Variants in CNKSR2 observed in about 807,000 individuals in gnomAD.
CNKSR2 encodes the protein connector enhancer of kinase suppressor of Ras 2, also known as CNK homolog protein 2.
In CNKSR2, 14 loss-of-function variants were observed where a neutral mutation model predicts 84.4. The ratio of observed to expected loss-of-function variants is 0.17; its 90% CI spans 0.11 to 0.26. The LOEUF (loss-of-function observed/expected upper bound fraction) is 0.26, where lower values mean the gene tolerates loss of function less well. Ranked by LOEUF, CNKSR2 falls within the 10% of genes least tolerant of loss-of-function variation. The pLI is 1.00. For synonymous variants in CNKSR2, 275 were observed against 277.9 expected, an observed-to-expected ratio of 0.99 and a Z score of 0.10; for missense variants, 485 against 771.2, an observed-to-expected ratio of 0.63 and a Z score of 4.40.
chrX:21,506,423 A>G (rs966218283), intron 8 of CNKSR2: 8 of 111,338 alleles, frequency 7.2e-5, no homozygotes, highest in African/African-American at 2.3e-4. Context: ...AGCTTCATAG[A>G]TTGTTTTTCT....
intron 20 of CNKSR2, among the ~76,000 whole-genome samples, chrX:21,630,114 C>T (rs2092641160): frequency 9.0e-6 from 1 of 111,626 alleles, no homozygotes; most frequent in Non-Finnish European, 1.9e-5. Flanking sequence ...TAGATGATAC[C>T]TCTCTGTTAA....
chrX:21,471,954 T>A (rs888223082), intron 5 of CNKSR2, among the ~76,000 whole-genome samples: 9 of 112,162 alleles, frequency 8.0e-5, no homozygotes, highest in Non-Finnish European at 1.7e-4. Context: ...AAGCATATTC[T>A]CTCATTTAAT....
chrX:21,538,056 G>C (rs960269183), intron 11 of CNKSR2: 1 of 111,382 alleles, frequency 9.0e-6, no homozygotes, highest in African/African-American at 3.3e-5. Flanking sequence ...GTGCTTCCAT[G>C]ATGGAAATTA....
At chrX:21,516,158 C>G (rs1042388257) in intron 8 of CNKSR2, among the ~76,000 whole-genome samples, 1 of 111,375 alleles carries the variant, frequency 9.0e-6, no homozygotes, top group African/African-American at 3.3e-5. Context: ...GTGAACAGAG[C>G]TTGGATCTAG....
intron 11 of CNKSR2, among the ~76,000 whole-genome samples, chrX:21,544,456 G>T (rs768542585): frequency 9.0e-6 from 1 of 111,430 alleles, no homozygotes; most frequent in Non-Finnish European, 1.9e-5. Flanking sequence ...TGGAAGAATA[G>T]TATATTATAT....
In CNKSR2 at chrX:21,374,968, C is replaced by A. The variant is rs1410512482; in HGVS notation, c.64+7C>A. 1 of 1,198,962 alleles carries A rather than the reference C, an allele frequency of 8.3e-7. No homozygotes were observed. Among genetic ancestry groups the A allele is most frequent in the South Asian group, 1.8e-5 (1 of 56,726 alleles). On this transcript the variant is annotated splice_region_variant and intron_variant, in intron 1 of 21. Coordinates refer to ENST00000379510, the MANE Select transcript of CNKSR2 (RefSeq NM_014927.5). ...GTAGTGGACTGGATGAAAGGTAATGCCCGCTGCGGGGAGGGTGAGGCGGCA... is the reference window on the plus strand; with the variant it reads ...GTAGTGGACTGGATGAAAGGTAATGACCGCTGCGGGGAGGGTGAGGCGGCA...
intron 10 of CNKSR2, among the ~76,000 whole-genome samples, chrX:21,528,962 T>C (rs2091860545): frequency 9.0e-6 from 1 of 111,183 alleles, no homozygotes; most frequent in South Asian, 3.7e-4. Flanking sequence ...TTTTTACAGA[T>C]ACAGCCTTGG....
rs768002096 is a variant in CNKSR2 at position 21,409,091 on chromosome X, A to G, written c.65-17406A>G. 4.7e-5 allele frequency among the ~76,000 whole-genome samples: 5 copies of G among 107,305 alleles called. No individual in the cohort carries two copies. In the South Asian group the frequency reaches 2.1e-3, roughly 45 times the overall value. The allele number at this position is 107,305 out of a possible 115,157, so 93.2% of individuals were successfully genotyped here. On this transcript the variant is annotated intron_variant, in intron 1 of 21. Coordinates refer to ENST00000379510, the MANE Select transcript of CNKSR2 (RefSeq NM_014927.5). ...GATGAGTACAGGTTCTGGGCAATCC[A>G]TTTGACTTTTAAATGTAAGAATGGA... is the stretch of plus-strand genomic sequence containing the variant.
At chrX:21,398,907 C>G (rs1197863699) in intron 1 of CNKSR2, among the ~76,000 whole-genome samples, 4 of 108,941 alleles carry the variant, frequency 3.7e-5, no homozygotes, top group African/African-American at 1.0e-4. Flanking sequence ...AATGAAAGCA[C>G]CTTGTATAGT....
intron 20 of CNKSR2, chrX:21,642,954 A>G (rs2092696354): frequency 2.8e-6 from 1 of 359,120 alleles, no homozygotes; most frequent in Non-Finnish European, 3.6e-6. Context: ...TCCATCAAAA[A>G]GCATTTTATT....
chrX:21,608,983 A>G, intron 19 of CNKSR2, 88 bp from the exon 20 acceptor site: 3 of 1,117,295 alleles, frequency 2.7e-6, no homozygotes, highest in Non-Finnish European at 3.5e-6. Context: ...ATCTACTTAA[A>G]TATTACCTGG....
At chrX:21,598,008 C>CAT (rs201782311) in intron 17 of CNKSR2, among the ~76,000 whole-genome samples, 2,576 of 102,121 alleles carry the variant, frequency 0.025, 37 homozygotes, top group African/African-American at 0.063. Flanking sequence ...AAATCATACA[C>CAT]ATATATATAT....
In CNKSR2 at chrX:21,652,443, A is replaced by C. The variant is rs756975164; in HGVS notation, c.3027A>C (p.Pro1009=). 2.2e-5 allele frequency: 27 copies of C among 1,208,411 alleles called. No individual in the cohort carries two copies. The highest frequency in any genetic ancestry group is 3.0e-5 in the Non-Finnish European group (27 of 893,646). The change falls in exon 22 of 22, where the codon CCA becomes CCC. Residue 1009 remains proline (P), a synonymous_variant. Transcript: ENST00000379510. The stretch of plus-strand genomic sequence containing the variant: ...GTCAAAATACCACCTCAAATGACCC[A>C]CTGAGTATTTCTTCTGAAGTAGATG... ...DICQNTTSND[P]LSISSEVDVI... is the part of the protein sequence containing the mutation.
At chrX:21,456,176 T>C (rs1314824540) in intron 4 of CNKSR2, among the ~76,000 whole-genome samples, 1 of 111,959 alleles carries the variant, frequency 8.9e-6, no homozygotes, top group Non-Finnish European at 1.9e-5. Context: ...CTAATTAACA[T>C]ATTCATCACC....
At chrX:21,407,762 C>T (rs1054896395) in intron 1 of CNKSR2, among the ~76,000 whole-genome samples, 1 of 111,498 alleles carries the variant, frequency 9.0e-6, no homozygotes, top group Non-Finnish European at 1.9e-5. Context: ...GTGTATAAAA[C>T]GTAACAGGAA....
chrX:21,595,168 G>A, intron 16 of CNKSR2, 121 bp downstream of exon 16: 1 of 664,406 alleles, frequency 1.5e-6, no homozygotes, highest in Non-Finnish European at 2.3e-6. Context: ...AGTTTTGTGG[G>A]CAGAAAATTG....
chrX:21,383,382 A>G lies in CNKSR2; in HGVS notation c.64+8421A>G, dbSNP rs766269609. The stretch of plus-strand genomic sequence containing the variant: ...TAAATTTTACTAAAGTGCAGTAATA[A>G]CTGTTTTAGCTCTCTTTGTTCATCT... On this transcript the variant is annotated intron_variant, in intron 1 of 21. Transcript: ENST00000379510. Among the ~76,000 whole-genome samples the G allele has an allele frequency of 1.2e-4, 14 of 112,839 alleles. No homozygotes were observed. In the Admixed American group the frequency reaches 1.3e-3, roughly 11 times the overall value.
intron 13 of CNKSR2, among the ~76,000 whole-genome samples, chrX:21,586,684 A>G (rs955029162): frequency 5.3e-5 from 6 of 112,155 alleles, no homozygotes; most frequent in African/African-American, 1.9e-4. Flanking sequence ...TTAAGTAAAA[A>G]CAGGAAGGTT....
chrX:21,553,317 G>A (rs1218016139), intron 11 of CNKSR2, among the ~76,000 whole-genome samples: 1 of 111,335 alleles, frequency 9.0e-6, no homozygotes, highest in African/African-American at 3.3e-5. Context: ...TTCATGGACT[G>A]ACTCTAAGTG....
Sources: gnomAD v4.1 joint callset for allele counts (sites outside exome capture counted in the v4.1 genomes callset) on GRCh38, gnomAD v4.1.1 for gene constraint, MANE v1.5 for transcripts, NCBI Gene and HGNC (gene_info 2026-07-23, HGNC 2026-07-21) for gene names.